TMEM156: variants seen among roughly 807,000 people sequenced by gnomAD.
TMEM156 encodes the protein transmembrane protein 156.
TMEM156 carries 28 observed loss-of-function variants against 30.5 expected under a neutral mutation model. The ratio of observed to expected loss-of-function variants is 0.92; its 90% CI spans 0.68 to 1.26. The LOEUF is 1.26. Among genes scored for constraint, TMEM156 ranks in the 50% most tolerant of loss-of-function variants. The pLI is 0.00. For synonymous variants in TMEM156, 137 were observed against 119.9 expected (o/e 1.14, Z -0.93); for missense variants, 351 against 340.6 (o/e 1.03, Z -0.24).
chr4:38,987,581 CAGCCTTGCCTGGTAAAGAAGGAAAG>C (rs1712095074), intron 4 of TMEM156, among the ~76,000 whole-genome samples: 1 of 152,236 alleles, frequency 6.6e-6, no homozygotes, highest in African/African-American at 2.4e-5. Context: ...ATGGCTAACA[CAGCCTTGCCTGGTAAAGAAGGAAAG>C]AGTCTTGGGA....
intron 6 of TMEM156, among the ~76,000 whole-genome samples, chr4:38,969,363 C>T (rs1312997070): frequency 2.6e-5 from 4 of 152,208 alleles, no homozygotes; most frequent in African/African-American, 9.7e-5. Context: ...GCTTACTTCA[C>T]TTGAGATAAT....
chr4:38,989,334 G>A (rs1458503738), intron 3 of TMEM156, among the ~76,000 whole-genome samples: 1 of 152,088 alleles, frequency 6.6e-6, no homozygotes, highest in Non-Finnish European at 1.5e-5. Context: ...TTTGACCCTG[G>A]GCCAGGCAGC....
chr4:38,989,837 T>C (rs1057153898), intron 3 of TMEM156, among the ~76,000 whole-genome samples: 3 of 152,206 alleles, frequency 2.0e-5, no homozygotes, highest in Non-Finnish European at 2.9e-5. Context: ...TTCACTCTTG[T>C]TGCCCAGGCT....
chr4:39,005,617 G>C (rs890063196), intron 1 of TMEM156, among the ~76,000 whole-genome samples: 3 of 152,162 alleles, frequency 2.0e-5, no homozygotes, highest in Non-Finnish European at 4.4e-5. Flanking sequence ...GTGATAGAAA[G>C]TGTTATATCC....
chr4:38,976,190 G>A lies in TMEM156; in HGVS notation c.824-5053C>T, dbSNP rs569128246. 8.6e-5 allele frequency among the ~76,000 whole-genome samples: 13 copies of A among 151,198 alleles called. No individual in the cohort carries two copies. In the South Asian group the frequency reaches 2.7e-3, roughly 32 times the overall value. ...TAATCTCAGTTATTTGGGAGGCTGA[G>A]GCAGGAGAATCCCTTCAACTCACTC... is the stretch of plus-strand genomic sequence containing the variant. On this transcript the variant is annotated intron_variant, in intron 5 of 6. Coordinates refer to ENST00000381938, the MANE Select transcript of TMEM156 (RefSeq NM_024943.3).
chr4:39,015,922 A>G (rs1714451566), intron 1 of TMEM156, among the ~76,000 whole-genome samples: 2 of 152,154 alleles, frequency 1.3e-5, no homozygotes, highest in African/African-American at 4.8e-5. Flanking sequence ...TCCGCCTTCC[A>G]CCATGATTAT....
intron 1 of TMEM156, among the ~76,000 whole-genome samples, chr4:39,005,091 C>T (rs954012138): frequency 6.6e-6 from 1 of 152,132 alleles, no homozygotes; most frequent in Non-Finnish European, 1.5e-5. Flanking sequence ...GGATGAATCT[C>T]AAAAGCATTA....
At chr4:39,003,404 G>A (rs1713515191) in intron 1 of TMEM156, among the ~76,000 whole-genome samples, 1 of 151,752 alleles carries the variant, frequency 6.6e-6, no homozygotes, top group Admixed American at 6.6e-5. Flanking sequence ...GCATGATCTC[G>A]GCTCACTGCA....
chr4:38,997,045 T>C (rs922414292), intron 2 of TMEM156, among the ~76,000 whole-genome samples: 7 of 152,178 alleles, frequency 4.6e-5, no homozygotes, highest in African/African-American at 1.4e-4. Flanking sequence ...TTTAAAACCA[T>C]TGAGTTTTGG....
At chr4:38,997,415 C>T (rs948497219) in intron 2 of TMEM156, among the ~76,000 whole-genome samples, 5 of 152,100 alleles carry the variant, frequency 3.3e-5, no homozygotes, top group African/African-American at 1.2e-4. Flanking sequence ...CATGTACACC[C>T]TGAATCTATA....
chr4:39,001,224 A>G (rs1024704415), intron 1 of TMEM156, among the ~76,000 whole-genome samples: 105 of 149,560 alleles, frequency 7.0e-4, no homozygotes, highest in African/African-American at 2.5e-3. Context: ...CAAAAAAAAA[A>G]AAAAAAGAAA....
intron 2 of TMEM156, among the ~76,000 whole-genome samples, chr4:38,994,545 G>A (rs1712783588): frequency 6.6e-6 from 1 of 152,198 alleles, no homozygotes; most frequent in African/African-American, 2.4e-5. Flanking sequence ...TGACTTGTGG[G>A]ACAGACTGTA....
intron 1 of TMEM156, among the ~76,000 whole-genome samples, chr4:39,010,319 T>C (rs953585581): frequency 6.6e-6 from 1 of 152,212 alleles, no homozygotes; most frequent in Non-Finnish European, 1.5e-5. Context: ...GCATCCATAC[T>C]GCCCAAAGCA....
At position 38,988,763 on chromosome 4, in the gene TMEM156, G is replaced by A. The variant is rs543115458; in HGVS notation, c.739+88C>T. ...GAATCACCACTTATTCACAGTAGGT[G>A]CACAAGAAATGCTAAATTGTACTAA... On this transcript the variant is annotated intron_variant, in intron 4 of 6. Coordinates refer to ENST00000381938, the MANE Select transcript of TMEM156 (RefSeq NM_024943.3). 67 of 1,535,458 alleles carry A rather than the reference G, an allele frequency of 4.4e-5. 1 individual carries two copies. In the East Asian group the frequency reaches 1.5e-3, roughly 35 times the overall value.
At chr4:39,021,314 G>C (rs978603671) in intron 1 of TMEM156, among the ~76,000 whole-genome samples, 2 of 151,350 alleles carry the variant, frequency 1.3e-5, no homozygotes, top group Non-Finnish European at 2.9e-5. Context: ...TGAGGTGGGT[G>C]GACCGCTTGA....
intron 1 of TMEM156, among the ~76,000 whole-genome samples, chr4:39,018,661 G>A (rs1714660314): frequency 6.6e-6 from 1 of 152,172 alleles, no homozygotes. Context: ...GTTTTCAAGA[G>A]ATGAGCTATC....
chr4:38,986,334 A>G lies in TMEM156; in HGVS notation c.823+2T>C. ...GTTTTGTTTACATGCCACAGAACTT[A>G]CCTGAAAGAACCTGCACATTCAATG... is the stretch of plus-strand genomic sequence containing the variant. On this transcript the variant is annotated splice_donor_variant, in intron 5 of 6. Coordinates refer to ENST00000381938, the MANE Select transcript of TMEM156 (RefSeq NM_024943.3). LOFTEE classifies it high-confidence loss of function. The G allele has an allele frequency of 6.2e-7, 1 of 1,611,686 alleles. No homozygotes were observed. Among genetic ancestry groups the G allele is most frequent in the South Asian group, 1.1e-5 (1 of 91,046 alleles).
chr4:39,000,890 T>A (rs1713296508), intron 1 of TMEM156, among the ~76,000 whole-genome samples: 1 of 151,790 alleles, frequency 6.6e-6, no homozygotes, highest in Non-Finnish European at 1.5e-5. Context: ...CCATCTCAAA[T>A]AAATTAATTT....
At chr4:39,018,324 T>A (rs909345442) in intron 1 of TMEM156, among the ~76,000 whole-genome samples, 6 of 152,228 alleles carry the variant, frequency 3.9e-5, no homozygotes, top group African/African-American at 1.4e-4. Flanking sequence ...GGTTCTATCT[T>A]GTTTTTTCAC....
Sources: allele counts gnomAD v4.1 joint callset (sites outside exome capture counted in the v4.1 genomes callset), GRCh38; gene constraint gnomAD v4.1.1; transcripts MANE v1.5; gene names NCBI Gene and HGNC (gene_info 2026-07-23, HGNC 2026-07-21).